EPB41L4A: variants seen among roughly 807,000 people sequenced by gnomAD.
EPB41L4A encodes the protein band 4.1-like protein 4A.
EPB41L4A carries 100 observed loss-of-function variants against 108.6 expected under a neutral mutation model. That is an observed-to-expected ratio of 0.92 (90% CI 0.78 to 1.09). EPB41L4A has a LOEUF of 1.09. Among genes scored for constraint, EPB41L4A ranks in the 50% least tolerant of loss-of-function variants. The pLI, the probability that EPB41L4A is intolerant of heterozygous loss-of-function variation, is 0.00. For synonymous variants in EPB41L4A, 319 were observed against 289.0 expected (o/e 1.10, Z -1.05); for missense variants, 1,030 against 842.7 (o/e 1.22, Z -2.75).
rs574914563 is a variant in EPB41L4A, at chr5:112,349,981, A to C, written c.100-42491T>G. ...AGGGGCGAAGACGACGACAGTGTGA[A>C]GGATGGGAGACAGCATGGTGTAGAA... On this transcript the variant is annotated intron_variant, in intron 1 of 22. Coordinates refer to ENST00000261486, the MANE Select transcript of EPB41L4A (RefSeq NM_022140.5). Among the ~76,000 whole-genome samples, 6 of 152,338 alleles carry C rather than the reference A, an allele frequency of 3.9e-5. No individual in the cohort carries two copies. The East Asian group carries it at 1.2e-3, about 29-fold the overall frequency.
chr5:112,354,265 C>T (rs990218667), intron 1 of EPB41L4A, among the ~76,000 whole-genome samples: 4 of 152,118 alleles, frequency 2.6e-5, no homozygotes, highest in African/African-American at 9.7e-5. Context: ...AGGCTTATGA[C>T]AGCTACAGGG....
chr5:112,301,512 C>T (rs1427816828), intron 2 of EPB41L4A, among the ~76,000 whole-genome samples: 1 of 152,166 alleles, frequency 6.6e-6, no homozygotes, highest in African/African-American at 2.4e-5. Flanking sequence ...ATCTTCATGT[C>T]TCTCAGCCAT....
chr5:112,255,475 C>T (rs1240168465), intron 9 of EPB41L4A, among the ~76,000 whole-genome samples: 1 of 152,192 alleles, frequency 6.6e-6, no homozygotes, highest in East Asian at 1.9e-4. Context: ...TCTACTGAAA[C>T]TCACCTTGTC....
intron 1 of EPB41L4A, among the ~76,000 whole-genome samples, chr5:112,417,130 C>T (rs369760307): frequency 3.3e-5 from 5 of 152,294 alleles, no homozygotes; most frequent in African/African-American, 1.2e-4. Context: ...GTTGCTGTTG[C>T]CTTTGAATCA....
chr5:112,153,641 T>C (rs1759551378), intron 12 of EPB41L4A, among the ~76,000 whole-genome samples: 1 of 150,526 alleles, frequency 6.6e-6, no homozygotes, highest in Admixed American at 6.6e-5. Flanking sequence ...CAAATCCATA[T>C]CATAATGGGA....
At chr5:112,355,384 A>C (rs560099057) in intron 1 of EPB41L4A, among the ~76,000 whole-genome samples, 3 of 152,220 alleles carry the variant, frequency 2.0e-5, no homozygotes, top group Non-Finnish European at 4.4e-5. Context: ...TTCTTCACAG[A>C]CTAAAGATCC....
At chr5:112,269,905 G>C (rs1050753454) in intron 4 of EPB41L4A, among the ~76,000 whole-genome samples, 1 of 152,136 alleles carries the variant, frequency 6.6e-6, no homozygotes, top group Non-Finnish European at 1.5e-5. Flanking sequence ...AGGTGGGGAG[G>C]AGCATTCTGT....
At chr5:112,247,324 T>G (rs1392893679) in intron 9 of EPB41L4A, among the ~76,000 whole-genome samples, 1 of 152,206 alleles carries the variant, frequency 6.6e-6, no homozygotes, top group Non-Finnish European at 1.5e-5. Flanking sequence ...TTAAAATAAG[T>G]CTGCTTGTGA....
rs1760038623 is a variant in EPB41L4A at position 112,163,433 on chromosome 5, G to A, written c.*1557C>T. 1 of 152,232 alleles carries A rather than the reference G, an allele frequency of 6.6e-6. No homozygotes were observed. The highest frequency in any genetic ancestry group is 2.1e-4 in the South Asian group (1 of 4,828). The allele number at this position is 152,232 out of a possible 1,614,324, so 9.4% of individuals were successfully genotyped here. A position where few individuals can be genotyped will look rare whatever the true frequency, so the allele number is the denominator to read the frequency against. ...GCCATGGGTATAAATGAGATCTGCT[G>A]GTGGTAGAGGAAGAGGGCCTAGGGT... On this transcript the variant is annotated 3_prime_UTR_variant, in exon 23 of 23. Coordinates refer to ENST00000261486, the MANE Select transcript of EPB41L4A (RefSeq NM_022140.5).
chr5:112,332,251 T>C (rs974713640), intron 1 of EPB41L4A, among the ~76,000 whole-genome samples: 3 of 152,204 alleles, frequency 2.0e-5, no homozygotes, highest in African/African-American at 7.2e-5. Flanking sequence ...TATCATCCCA[T>C]CTTTCTTTTG....
chr5:112,268,863 A>AAAAT (rs1752058261), intron 4 of EPB41L4A, among the ~76,000 whole-genome samples: 1 of 151,318 alleles, frequency 6.6e-6, no homozygotes, highest in Non-Finnish European at 1.5e-5. Flanking sequence ...AAAAAAAAAA[A>AAAAT]AAAGACTTTA....
chr5:112,180,491 T>C (rs902659457), intron 18 of EPB41L4A, among the ~76,000 whole-genome samples: 10 of 152,166 alleles, frequency 6.6e-5, no homozygotes, highest in African/African-American at 2.4e-4. Flanking sequence ...GTGGTGGAAC[T>C]GGATAGACTA....
At chr5:112,341,021 C>A (rs1341518373) in intron 1 of EPB41L4A, among the ~76,000 whole-genome samples, 3 of 152,274 alleles carry the variant, frequency 2.0e-5, no homozygotes, top group African/African-American at 7.2e-5. Flanking sequence ...GGAAGGTCCT[C>A]TGCAAGCACC....
At chr5:112,193,177 T>C (rs2416275) in intron 17 of EPB41L4A, among the ~76,000 whole-genome samples, 9,656 of 152,322 alleles carry the variant, frequency 0.063, 361 homozygotes, top group Middle Eastern at 0.095. Flanking sequence ...TGGGCTATTA[T>C]TACACAGGCT....
At chr5:112,247,469 G>T (rs1750330978) in intron 9 of EPB41L4A, among the ~76,000 whole-genome samples, 1 of 152,158 alleles carries the variant, frequency 6.6e-6, no homozygotes, top group Non-Finnish European at 1.5e-5. Flanking sequence ...GAAGTACTGT[G>T]TGTGGCAGGA....
chr5:112,297,303 TA>T (rs561684040), intron 2 of EPB41L4A, among the ~76,000 whole-genome samples: 124 of 152,246 alleles, frequency 8.1e-4, no homozygotes, highest in Non-Finnish European at 1.4e-3. Flanking sequence ...CAAAATCTAT[TA>T]TTTTTTTATT....
At chr5:112,310,703 T>G (rs1016820298) in intron 1 of EPB41L4A, among the ~76,000 whole-genome samples, 1 of 152,174 alleles carries the variant, frequency 6.6e-6, no homozygotes, top group Non-Finnish European at 1.5e-5. Context: ...TGCCAAATCT[T>G]CTTAGAGAAA....
chr5:112,352,491 T>A (rs4510619), intron 1 of EPB41L4A, among the ~76,000 whole-genome samples: 67,279 of 151,916 alleles, frequency 0.44, 16,089 homozygotes, highest in South Asian at 0.6. Context: ...TTGCATTTTT[T>A]AAAAAATTTG....
intron 1 of EPB41L4A, among the ~76,000 whole-genome samples, chr5:112,342,246 C>T (rs1387808126): frequency 2.0e-5 from 3 of 152,220 alleles, no homozygotes; most frequent in Non-Finnish European, 2.9e-5. Context: ...GACGTGATAA[C>T]ATGCTATCCC....
Sources: gnomAD v4.1 joint callset for allele counts (sites outside exome capture counted in the v4.1 genomes callset) on GRCh38, gnomAD v4.1.1 for gene constraint, MANE v1.5 for transcripts, NCBI Gene and HGNC (gene_info 2026-07-23, HGNC 2026-07-21) for gene names.